Variants in IQCM observed in about 807,000 individuals in gnomAD.
IQCM encodes IQ motif containing M, also known as IQ domain-containing protein M.
IQCM carries 45 observed loss-of-function variants against 57.6 expected under a neutral mutation model. The ratio of observed to expected loss-of-function variants is 0.78; its 90% confidence interval spans 0.62 to 1.00. The LOEUF is 1.00. IQCM is among the 50% of genes least tolerant of loss of function. The pLI is 0.00. For synonymous variants in IQCM, 148 were observed against 158.9 expected, an observed-to-expected ratio of 0.93 and a Z score of 0.51; for missense variants, 468 against 511.6, an observed-to-expected ratio of 0.91 and a Z score of 0.82.
intron 9 of IQCM, among the ~76,000 whole-genome samples, chr4:149,564,464 C>T (rs1750423315): frequency 2.0e-5 from 3 of 152,086 alleles, no homozygotes. Context: ...TCAACTTGAC[C>T]AGATTGAAGG....
intron 2 of IQCM, among the ~76,000 whole-genome samples, chr4:149,794,506 A>G (rs144765510): frequency 0.023 from 3,551 of 152,286 alleles, 65 homozygotes; most frequent in South Asian, 0.05. Flanking sequence ...TACAATGGTG[A>G]AGGAAAACTA....
At chr4:149,404,363 C>T (rs1732831073) in intron 13 of IQCM, among the ~76,000 whole-genome samples, 2 of 152,038 alleles carry the variant, frequency 1.3e-5, no homozygotes, top group Admixed American at 1.3e-4. Context: ...TGACCTTTGA[C>T]TTCTATTTCT....
intron 7 of IQCM, among the ~76,000 whole-genome samples, chr4:149,659,722 C>T (rs1291944879): frequency 6.6e-6 from 1 of 152,032 alleles, no homozygotes; most frequent in Non-Finnish European, 1.5e-5. Flanking sequence ...GAAAAATAAG[C>T]AATGGGGAAA....
intron 8 of IQCM, among the ~76,000 whole-genome samples, chr4:149,615,957 T>G (rs901777119): frequency 4.6e-5 from 7 of 151,922 alleles, no homozygotes; most frequent in Non-Finnish European, 1.0e-4. Context: ...CACCAGAAAA[T>G]ATAAGAAAAT....
intron 2 of IQCM, among the ~76,000 whole-genome samples, chr4:149,751,854 A>G (rs1768478913): frequency 6.6e-6 from 1 of 152,198 alleles, no homozygotes; most frequent in Non-Finnish European, 1.5e-5. Flanking sequence ...AATAGCATAG[A>G]AAGAACAGAG....
intron 3 of IQCM, among the ~76,000 whole-genome samples, chr4:149,739,762 G>GA (rs752308285): frequency 6.6e-6 from 1 of 151,086 alleles, no homozygotes; most frequent in Non-Finnish European, 1.5e-5. Flanking sequence ...ATTCCTATAG[G>GA]AAAAAAAATA....
intron 12 of IQCM, among the ~76,000 whole-genome samples, chr4:149,446,432 A>G (rs1560849009): frequency 6.6e-6 from 1 of 151,758 alleles, no homozygotes; most frequent in African/African-American, 2.4e-5. Flanking sequence ...TTTGAACAAT[A>G]ATAGAAATTT....
chr4:149,466,016 A>G (rs1430313636), intron 12 of IQCM, among the ~76,000 whole-genome samples: 1 of 152,218 alleles, frequency 6.6e-6, no homozygotes, highest in Non-Finnish European at 1.5e-5. Context: ...CAAATTTTCA[A>G]AAAGCACACT....
chr4:149,702,477 G>T (rs1763849110), intron 5 of IQCM, among the ~76,000 whole-genome samples: 1 of 151,818 alleles, frequency 6.6e-6, no homozygotes, highest in African/African-American at 2.4e-5. Context: ...TCACACAGGA[G>T]AATGGTCTTG....
At chr4:149,661,468 C>A (rs1216862911) in intron 7 of IQCM, among the ~76,000 whole-genome samples, 1 of 152,084 alleles carries the variant, frequency 6.6e-6, no homozygotes, top group Non-Finnish European at 1.5e-5. Context: ...GCTGGCCTCA[C>A]AAAATGAGCT....
intron 12 of IQCM, among the ~76,000 whole-genome samples, chr4:149,442,435 C>T (rs1378782182): frequency 6.6e-6 from 1 of 152,060 alleles, no homozygotes; most frequent in South Asian, 2.1e-4. Flanking sequence ...AAAACAAAAA[C>T]AAACAAAAAC....
intron 7 of IQCM, among the ~76,000 whole-genome samples, chr4:149,627,229 T>C (rs935618433): frequency 5.3e-5 from 8 of 152,160 alleles, no homozygotes; most frequent in African/African-American, 1.4e-4. Context: ...AGGTGTGGAA[T>C]AGGAAAGTCT....
At chr4:149,408,054 T>C (rs904371981) in intron 13 of IQCM, among the ~76,000 whole-genome samples, 3 of 152,146 alleles carry the variant, frequency 2.0e-5, no homozygotes, top group African/African-American at 7.2e-5. Context: ...TGGAAGATGG[T>C]GGTTCTTATT....
chr4:149,412,213 T>A (rs534383336), intron 13 of IQCM, among the ~76,000 whole-genome samples: 6 of 152,132 alleles, frequency 3.9e-5, no homozygotes, highest in Non-Finnish European at 8.8e-5. Context: ...CTAATAGTTA[T>A]ATCTTTGAGT....
At chr4:149,417,082 A>C (rs912325083) in intron 13 of IQCM, among the ~76,000 whole-genome samples, 1 of 152,224 alleles carries the variant, frequency 6.6e-6, no homozygotes, top group African/African-American at 2.4e-5. Flanking sequence ...CAACAGAAAG[A>C]CTTTCACAGG....
At chr4:149,431,949 A>G (rs577021146) in intron 13 of IQCM, among the ~76,000 whole-genome samples, 53 of 150,578 alleles carry the variant, frequency 3.5e-4, no homozygotes, top group East Asian at 5.9e-4. Context: ...ATATATATAT[A>G]TGTGTATGTG....
chr4:149,753,973 A>G (rs1768718935), intron 2 of IQCM, among the ~76,000 whole-genome samples: 1 of 151,476 alleles, frequency 6.6e-6, no homozygotes, highest in Non-Finnish European at 1.5e-5. Flanking sequence ...AGAAATGAAG[A>G]AAAAAAAAGA....
chr4:149,482,625 G>C (rs1294140319), intron 12 of IQCM, among the ~76,000 whole-genome samples: 1 of 151,732 alleles, frequency 6.6e-6, no homozygotes, highest in Non-Finnish European at 1.5e-5. Flanking sequence ...CCTGGGATAA[G>C]TTCCACTTGG....
chr4:149,723,901 A>G (rs1765667210), intron 5 of IQCM, among the ~76,000 whole-genome samples: 1 of 148,550 alleles, frequency 6.7e-6, no homozygotes, highest in East Asian at 2.0e-4. Flanking sequence ...GAATTTGTCT[A>G]TGAATCTGGG....
Sources: gnomAD v4.1 joint callset for allele counts (sites outside exome capture counted in the v4.1 genomes callset) on GRCh38, gnomAD v4.1.1 for gene constraint, MANE v1.5 for transcripts, NCBI Gene and HGNC (gene_info 2026-07-23, HGNC 2026-07-21) for gene names.